Variants in DNAH8 observed in about 807,000 individuals in gnomAD.
DNAH8 encodes dynein axonemal heavy chain 8.
In DNAH8, 382 loss-of-function variants were observed where a neutral mutation model predicts 562.1. The observed-to-expected ratio is 0.68, with a 90% CI of 0.63 to 0.74. The LOEUF is 0.74. Ranked by LOEUF, DNAH8 falls within the 30% of genes least tolerant of loss-of-function variation. The pLI is 0.00. For missense variants in DNAH8, 5,203 were observed against 5,620.4 expected (o/e 0.93, Z 2.37); for synonymous variants, 1,881 against 1,919.4 (o/e 0.98, Z 0.52).
intron 85 of DNAH8, among the ~76,000 whole-genome samples, chr6:38,980,145 C>T (rs1042061178): frequency 5.9e-5 from 9 of 152,130 alleles, no homozygotes; most frequent in African/African-American, 2.2e-4. Context: ...TGACCTCTTA[C>T]AGAGAAAGGG....
Position 38,722,847 on chromosome 6 carries a change from G to A in DNAH8, c.38G>A (p.Gly13Glu), listed in dbSNP as rs780500868. ...KDAEDGAPSE[G>E]AEAPPSTEEA... ...GCTGAAGATGGCGCCCCTTCTGAGG[G>A]AGCAGAGGCTCCTCCCTCTACGGAA... Residue 13 changes from glycine (G) to glutamate (E), a missense_variant, in exon 2 of 93, where the codon GGA (glycine) becomes GAA (glutamate). Gly to Glu is a moderately conservative substitution (Grantham distance 98). Coordinates refer to ENST00000327475, the MANE Select transcript of DNAH8 (RefSeq NM_001206927.2). 8.4e-5 allele frequency: 135 copies of A among 1,608,616 alleles called. No individual in the cohort carries two copies. The highest frequency in any genetic ancestry group is 1.0e-4 in the Non-Finnish European group (120 of 1,177,602).
chr6:39,020,457 C>A (rs561411070), intron 91 of DNAH8, among the ~76,000 whole-genome samples: 27 of 152,280 alleles, frequency 1.8e-4, no homozygotes, highest in African/African-American at 6.3e-4. Flanking sequence ...GGCCCCAGAA[C>A]AAGTATATCA....
intron 1 of DNAH8, among the ~76,000 whole-genome samples, chr6:38,719,291 T>G (rs939921451): frequency 8.5e-5 from 13 of 152,226 alleles, no homozygotes; most frequent in Non-Finnish European, 1.8e-4. Flanking sequence ...AAAGGTTTAT[T>G]GCATGATGCT....
intron 58 of DNAH8, among the ~76,000 whole-genome samples, chr6:38,894,494 A>G (rs927608410): frequency 2.6e-5 from 4 of 152,220 alleles, no homozygotes; most frequent in Admixed American, 1.3e-4. Context: ...AATCCATCCT[A>G]TCCAAGAGAT....
chr6:38,983,322 T>TA (rs1764164666), intron 86 of DNAH8, among the ~76,000 whole-genome samples: 1 of 152,132 alleles, frequency 6.6e-6, no homozygotes, highest in Non-Finnish European at 1.5e-5. Context: ...TCAAGGTAAT[T>TA]AGAGATTCTG....
chr6:38,742,647 A>G (rs1376754571), intron 8 of DNAH8, among the ~76,000 whole-genome samples: 2 of 152,108 alleles, frequency 1.3e-5, no homozygotes, highest in African/African-American at 2.4e-5. Context: ...TTGCACAGAA[A>G]AATAAACTAA....
At chr6:39,000,859 G>C (rs944525251) in intron 88 of DNAH8, among the ~76,000 whole-genome samples, 2 of 152,182 alleles carry the variant, frequency 1.3e-5, no homozygotes, top group Admixed American at 6.5e-5. Context: ...GTTGGGAACC[G>C]CTGTCTTAAA....
At chr6:38,822,153 C>A (rs1462619263) in intron 26 of DNAH8, among the ~76,000 whole-genome samples, 1 of 152,118 alleles carries the variant, frequency 6.6e-6, no homozygotes, top group African/African-American at 2.4e-5. Flanking sequence ...CACCAAGAAT[C>A]TTTGGGATCT....
intron 88 of DNAH8, among the ~76,000 whole-genome samples, chr6:39,002,896 A>G (rs1395861456): frequency 6.6e-6 from 1 of 152,208 alleles, no homozygotes; most frequent in African/African-American, 2.4e-5. Context: ...GTGAAGCATG[A>G]CACCTTATGC....
At chr6:38,894,291 T>C (rs1049341694) in intron 58 of DNAH8, among the ~76,000 whole-genome samples, 1 of 152,248 alleles carries the variant, frequency 6.6e-6, no homozygotes, top group African/African-American at 2.4e-5. Context: ...ACATTCGTTG[T>C]TCTTACCTGC....
chr6:38,800,514 T>C (rs566701288), intron 21 of DNAH8, among the ~76,000 whole-genome samples: 34 of 152,260 alleles, frequency 2.2e-4, no homozygotes, highest in African/African-American at 8.2e-4. Flanking sequence ...GCATCTTTCA[T>C]GTGCTTATTT....
intron 26 of DNAH8, among the ~76,000 whole-genome samples, chr6:38,818,395 A>G (rs1043485608): frequency 4.6e-5 from 7 of 152,164 alleles, no homozygotes; most frequent in Admixed American, 2.0e-4. Context: ...GAATTCTATT[A>G]TCTGCAAAAT....
At chr6:38,738,648 G>T (rs1177032112) in intron 7 of DNAH8, among the ~76,000 whole-genome samples, 2 of 152,188 alleles carry the variant, frequency 1.3e-5, no homozygotes, top group Non-Finnish European at 2.9e-5. Context: ...CTTCAGTTAT[G>T]TGAGGATCAA....
chr6:38,845,260 C>A (rs187034636), intron 35 of DNAH8, among the ~76,000 whole-genome samples: 1 of 152,256 alleles, frequency 6.6e-6, no homozygotes, highest in Admixed American at 6.5e-5. Flanking sequence ...ATAAACAGGG[C>A]AGCTGTGATT....
rs769442737 is a variant in DNAH8, at chr6:38,845,589, G to A, written c.4861G>A (p.Ala1621Thr). The change falls in exon 36 of 93, where the codon GCC (alanine) becomes ACC (threonine). Residue 1621 changes from alanine to threonine, a missense_variant. Physicochemically the swap from Ala to Thr is moderately conservative, Grantham distance 58 (BLOSUM62 0). This residue lies in a region of DNAH8 where 2,176 missense variants were observed against 2,365.1 expected (regional missense o/e 0.92). Transcript: ENST00000327475. ...TCCTTCAAAGGATATTTGCATATCT[G>A]CCATTAAGGAGAAGGATATCGAAGC... ...KDDIEDICIS[A>T]IKEKDIEAKL... The A allele has an allele frequency of 2.5e-6, 4 of 1,613,294 alleles. No individual in the cohort carries two copies. The highest frequency in any genetic ancestry group is 1.1e-5 in the South Asian group (1 of 91,064).
rs1583186011 is a variant in DNAH8, at chr6:38,852,923, T to C, written c.5571+125T>C. ...GTTCTCATTCTACAGCCCTGGGCTT[T>C]GTTAAAAACTAGTTTAGATAAATCC... On this transcript the variant is annotated intron_variant, in intron 40 of 92. Coordinates refer to ENST00000327475, the MANE Select transcript of DNAH8 (RefSeq NM_001206927.2). 4 of 742,194 alleles carry C rather than the reference T, an allele frequency of 5.4e-6. No homozygotes were observed. In the South Asian group the frequency reaches 6.0e-5, roughly 11 times the overall value. 46.0% of individuals were successfully genotyped at this position (742,194 alleles called of 1,614,324 possible). A position where few individuals can be genotyped will look rare whatever the true frequency, so the allele number is the denominator to read the frequency against.
chr6:38,732,165 C>T (rs1007866107), intron 4 of DNAH8, among the ~76,000 whole-genome samples: 2 of 152,136 alleles, frequency 1.3e-5, no homozygotes, highest in Non-Finnish European at 1.5e-5. Context: ...AAAGATTTAC[C>T]TCATTCAAAA....
intron 20 of DNAH8, 131 bp from the exon 21 acceptor site, chr6:38,791,424 A>T: frequency 8.8e-7 from 1 of 1,140,376 alleles, no homozygotes; most frequent in Non-Finnish European, 1.2e-6. Context: ...TCACCAAATT[A>T]TGCTTGGCTC....
intron 80 of DNAH8, among the ~76,000 whole-genome samples, chr6:38,946,209 T>C (rs966578918): frequency 6.6e-6 from 1 of 152,206 alleles, no homozygotes; most frequent in Admixed American, 6.5e-5. Context: ...AGTTTCCCAG[T>C]GTCAGATGCC....
Sources: allele counts gnomAD v4.1 joint callset (sites outside exome capture counted in the v4.1 genomes callset), GRCh38; gene constraint gnomAD v4.1.1; regional missense constraint gnomAD v4.1.1; transcripts MANE v1.5; gene names NCBI Gene and HGNC (gene_info 2026-07-23, HGNC 2026-07-21).